Variants in CFAP43 observed in about 807,000 individuals in gnomAD.
CFAP43 encodes the protein cilia- and flagella-associated protein 43.
Under a neutral mutation model 218.9 loss-of-function variants are expected in CFAP43, and 155 were observed. The ratio of observed to expected loss-of-function variants is 0.71; its 90% confidence interval spans 0.62 to 0.81. The LOEUF (loss-of-function observed/expected upper bound fraction) is 0.81. Among genes scored for constraint, CFAP43 ranks in the 30% least tolerant of loss-of-function variants. CFAP43 has a pLI of 0.00. For missense variants in CFAP43, 1,778 were observed against 1,954.3 expected, an observed-to-expected ratio of 0.91 and a Z score of 1.70; for synonymous variants, 645 against 681.3, an observed-to-expected ratio of 0.95 and a Z score of 0.83.
intron 3 of CFAP43, among the ~76,000 whole-genome samples, chr10:104,216,035 A>G (rs1224940151): frequency 6.6e-6 from 1 of 151,876 alleles, no homozygotes; most frequent in Non-Finnish European, 1.5e-5. Context: ...GTGCTCATCC[A>G]TACCATCCTC....
rs944356198 is a variant in CFAP43 at position 104,168,792 on chromosome 10, G to A, written c.2643C>T (p.Ile881=). The change falls in exon 21 of 38, where the codon ATC becomes ATT. Residue 881 remains isoleucine, a synonymous_variant. Coordinates refer to ENST00000357060, the MANE Select transcript of CFAP43 (RefSeq NM_025145.7). ...NLAKSYLAEL[I]KEECWNSMAV... is the part of the protein sequence containing the mutation. Reference sequence around the variant, plus strand: ...CCATCGAATTCCAACATTCTTCTTTGATAAGTTCAGCCAAATAGCTCTTGG... The same window carrying A: ...CCATCGAATTCCAACATTCTTCTTTAATAAGTTCAGCCAAATAGCTCTTGG... 6.2e-7 allele frequency: 1 copy of A among 1,614,028 alleles called. No homozygotes were observed. Among genetic ancestry groups the A allele is most frequent in the African/African-American group, 1.3e-5 (1 of 75,024 alleles).
At chr10:104,187,723 A>G (rs1279136102) in intron 13 of CFAP43, among the ~76,000 whole-genome samples, 1 of 152,238 alleles carries the variant, frequency 6.6e-6, no homozygotes, top group Admixed American at 6.5e-5. Context: ...TTAATTTTTA[A>G]TCAATTAACT....
intron 20 of CFAP43, among the ~76,000 whole-genome samples, chr10:104,171,353 C>T (rs1228236384): frequency 6.6e-6 from 1 of 152,194 alleles, no homozygotes; most frequent in Non-Finnish European, 1.5e-5. Flanking sequence ...TAATTGTTAT[C>T]CACTACATTT....
At chr10:104,151,259 C>T (rs1385050261) in intron 28 of CFAP43, among the ~76,000 whole-genome samples, 1 of 152,172 alleles carries the variant, frequency 6.6e-6, no homozygotes, top group African/African-American at 2.4e-5. Context: ...GGTATATACC[C>T]AGTAATGGGA....
intron 6 of CFAP43, 127 bp downstream of exon 6, chr10:104,207,538 C>T (rs2090730070): frequency 3.5e-6 from 3 of 852,330 alleles, no homozygotes; most frequent in Admixed American, 2.6e-5. Context: ...GCCAACAGCA[C>T]AGTAACAGCC....
rs758774398 is a variant in CFAP43 at position 104,214,341 on chromosome 10, G to A, written c.502C>T (p.Arg168Cys). The A allele has an allele frequency of 1.4e-5, 22 of 1,611,752 alleles. No individual in the cohort carries two copies. In the Admixed American group the frequency reaches 1.8e-4, roughly 14 times the overall value. ...CTTGGACTTGATAAGCACAGCTGGC[G>A]CCAGTTCATGGGGTTAAAAGACATT... The part of the protein sequence containing the change: ...NQMSFNPMNW[R>C]QLCLSSPSTV... The change falls in exon 4 of 38, where the codon CGC becomes TGC. Residue 168 changes from arginine (R) to cysteine (C), a missense_variant. Arg to Cys is a radical substitution (Grantham distance 180). Around this residue, in one of 3 missense-constraint regions of CFAP43, gnomAD observed 1,553 missense variants for 1,685.2 expected, o/e 0.92. Coordinates refer to ENST00000357060, the MANE Select transcript of CFAP43 (RefSeq NM_025145.7).
chr10:104,230,772 T>C lies in CFAP43; in HGVS notation c.137A>G (p.Asn46Ser). The change falls in exon 2 of 38, where the codon AAT becomes AGT. Residue 46 changes from asparagine (N) to serine (S), a missense_variant. By Grantham distance (46) the Asn-to-Ser change is conservative (BLOSUM62 1). This residue lies in a region of CFAP43 where 1,553 missense variants were observed against 1,685.2 expected (regional missense o/e 0.92). Transcript: ENST00000357060. ...NDNTICYPCG[N>S]YVIFINIETK... ...TTCAATATTAATAAATATTACATAA[T>C]TCCCACAAGGGTAGCAAATGGTGTT... 1 of 1,613,996 alleles carries C rather than the reference T, an allele frequency of 6.2e-7. No homozygotes were observed. The highest frequency in any genetic ancestry group is 8.5e-7 in the Non-Finnish European group (1 of 1,179,946).
rs749805239 is a variant in CFAP43 at position 104,168,731 on chromosome 10, TTCTA to T, written c.2691+9_2691+12del. The T allele has an allele frequency of 1.2e-6, 2 of 1,600,280 alleles. No homozygotes were observed. The highest frequency in any genetic ancestry group is 1.7e-6 in the Non-Finnish European group (2 of 1,167,556). On this transcript the variant is annotated intron_variant, in intron 21 of 37. Coordinates refer to ENST00000357060, the MANE Select transcript of CFAP43 (RefSeq NM_025145.7). Reference sequence around the variant, plus strand: ...TTCTCATCAGGTTTTGTACCTAGGGTTCTATCTGTTACCTTAAGAGCTCGACCTT... The same window carrying T: ...TTCTCATCAGGTTTTGTACCTAGGGTTCTGTTACCTTAAGAGCTCGACCTT...
chr10:104,199,204 TA>T (rs34434939), intron 8 of CFAP43, among the ~76,000 whole-genome samples: 7,260 of 151,480 alleles, frequency 0.048, 609 homozygotes, highest in African/African-American at 0.17. Flanking sequence ...AACTCACCTC[TA>T]AAAAAAAATC....
chr10:104,203,552 C>T (rs1374786614), intron 8 of CFAP43, 120 bp downstream of exon 8: 1 of 947,070 alleles, frequency 1.1e-6, no homozygotes, highest in Non-Finnish European at 1.5e-6. Context: ...CATTTACAAC[C>T]TAGAGTCTTG....
chr10:104,141,713 C>A (rs755864892), intron 33 of CFAP43, among the ~76,000 whole-genome samples: 48 of 152,188 alleles, frequency 3.2e-4, no homozygotes, highest in Middle Eastern at 3.4e-3. Flanking sequence ...AGTTACTTAA[C>A]AAATCTATTT....
At chr10:104,159,352 A>T (rs2088751215) in intron 27 of CFAP43, among the ~76,000 whole-genome samples, 1 of 152,226 alleles carries the variant, frequency 6.6e-6, no homozygotes, top group Non-Finnish European at 1.5e-5. Context: ...CAAGAACAGT[A>T]GAAAGAACTC....
At chr10:104,162,662 A>AG (rs1296213980) in intron 24 of CFAP43, among the ~76,000 whole-genome samples, 9 of 151,436 alleles carry the variant, frequency 5.9e-5, no homozygotes, top group Non-Finnish European at 1.0e-4. Context: ...TAGATTAAGG[A>AG]GGGGAGGGAG....
intron 22 of CFAP43, among the ~76,000 whole-genome samples, chr10:104,167,016 T>C (rs1239804429): frequency 1.3e-5 from 2 of 152,202 alleles, no homozygotes; most frequent in Non-Finnish European, 2.9e-5. Flanking sequence ...TTTTTGGTAC[T>C]TAAGTATTAA....
At chr10:104,167,874 C>T in intron 21 of CFAP43, 137 bp from the exon 22 acceptor site, 1 of 565,046 alleles carries the variant, frequency 1.8e-6, no homozygotes, top group South Asian at 2.9e-5. Context: ...ACAATGGAAA[C>T]CTTTTTAAAA....
At chr10:104,185,952 T>G in intron 15 of CFAP43, 22 bp downstream of exon 15, 1 of 1,604,696 alleles carries the variant, frequency 6.2e-7, no homozygotes, top group Non-Finnish European at 8.5e-7. Context: ...CCACAATATT[T>G]TTTTTTAAGA....
intron 27 of CFAP43, among the ~76,000 whole-genome samples, chr10:104,155,406 G>A (rs1020386220): frequency 1.3e-5 from 2 of 152,186 alleles, no homozygotes; most frequent in African/African-American, 4.8e-5. Flanking sequence ...CTAAGTCAAT[G>A]TCTGTGTTCA....
At chr10:104,174,841 G>T (rs1023293069) in intron 19 of CFAP43, among the ~76,000 whole-genome samples, 1 of 146,538 alleles carries the variant, frequency 6.8e-6, no homozygotes, top group Non-Finnish European at 1.5e-5. Context: ...GCATCATGAG[G>T]TCAGGAGATT....
At chr10:104,130,422 G>A in intron 37 of CFAP43, 117 bp from the exon 38 acceptor site, 1 of 1,184,208 alleles carries the variant, frequency 8.4e-7, no homozygotes, top group East Asian at 2.5e-5. Context: ...ATATGCACTT[G>A]TATGTTTACA....
Sources: allele counts gnomAD v4.1 joint callset (sites outside exome capture counted in the v4.1 genomes callset), GRCh38; gene constraint gnomAD v4.1.1; regional missense constraint gnomAD v4.1.1; transcripts MANE v1.5; gene names NCBI Gene and HGNC (gene_info 2026-07-23, HGNC 2026-07-21).